TOP2A: variants seen among roughly 807,000 people sequenced by gnomAD.
TOP2A encodes DNA topoisomerase 2-alpha.
A neutral mutation model predicts 187.2 loss-of-function variants in TOP2A; 68 were observed. The ratio of observed to expected loss-of-function variants is 0.36; its 90% CI spans 0.30 to 0.44. The LOEUF (loss-of-function observed/expected upper bound fraction) is 0.44. Ranked by LOEUF, TOP2A falls within the 20% of genes least tolerant of loss-of-function variation. The probability of loss-of-function intolerance (pLI) is 1.00; values close to 1 mark genes in which losing one functional copy is unlikely to be tolerated. For synonymous variants in TOP2A, 542 were observed against 593.2 expected (o/e 0.91, Z 1.25); for missense variants, 1,196 against 1,808.7 (o/e 0.66, Z 6.14).
chr17:40,406,982 G>A, intron 13 of TOP2A, 40 bp from the exon 14 acceptor site: 4 of 1,473,224 alleles, frequency 2.7e-6, no homozygotes, highest in South Asian at 1.2e-5. Context: ...AGAACTGTTA[G>A]GCTGGGCGTG....
At chr17:40,393,109 C>T (rs529859720) in intron 29 of TOP2A, among the ~76,000 whole-genome samples, 90 of 152,102 alleles carry the variant, frequency 5.9e-4, no homozygotes, top group African/African-American at 2.1e-3. Flanking sequence ...ATCGCTTGAG[C>T]TCAGGAGCTA....
rs2035000772 is a variant in TOP2A, at chr17:40,389,877, A to C, written c.4467+88T>G. 6 of 1,388,736 alleles carry C rather than the reference A, an allele frequency of 4.3e-6. No individual in the cohort carries two copies. The South Asian group carries it at 8.9e-5, about 21-fold the overall frequency. 86.0% of individuals were successfully genotyped at this position (1,388,736 alleles called of 1,614,324 possible). ...ACAGAATATGAGAGTTAATTTTCTT[A>C]AAGATATGCCAAATTTTTAAGAGCA... On this transcript the variant is annotated intron_variant, in intron 34 of 34. Transcript: ENST00000423485.
Position 40,389,431 on chromosome 17 carries a change from C to A in TOP2A, c.*88G>T. On this transcript the variant is annotated 3_prime_UTR_variant, in exon 35 of 35. Transcript: ENST00000423485. Reference sequence around the variant, plus strand: ...AAAAACACCTTCCCCAAACTAAATTCAGAGGGGAGGAAGTTAAGAGCTTCA... The same window carrying A: ...AAAAACACCTTCCCCAAACTAAATTAAGAGGGGAGGAAGTTAAGAGCTTCA... 6.9e-7 allele frequency: 1 copy of A among 1,449,692 alleles called. No homozygotes were observed. 89.8% of individuals were successfully genotyped at this position (1,449,692 alleles called of 1,614,324 possible). A position where few individuals can be genotyped will look rare whatever the true frequency, so the allele number is the denominator to read the frequency against.
rs773782563 is a variant in TOP2A, at chr17:40,395,573, A to G, written c.3721-34T>C. 2.1e-6 allele frequency: 3 copies of G among 1,451,984 alleles called. No homozygotes were observed. The African/African-American group carries it at 4.2e-5, about 21-fold the overall frequency. 89.9% of individuals were successfully genotyped at this position (1,451,984 alleles called of 1,614,324 possible). A position where few individuals can be genotyped will look rare whatever the true frequency, so the allele number is the denominator to read the frequency against. ...TAGCAAAGTTAGGGTTGGATATAGAATAAATTCTGAACTATGGGATTAGAG... is the reference window on the plus strand; with the variant it reads ...TAGCAAAGTTAGGGTTGGATATAGAGTAAATTCTGAACTATGGGATTAGAG... On this transcript the variant is annotated intron_variant, in intron 28 of 34. Transcript: ENST00000423485.
intron 20 of TOP2A, among the ~76,000 whole-genome samples, chr17:40,401,316 G>A (rs17680410): frequency 0.015 from 2,317 of 152,272 alleles, 28 homozygotes; most frequent in Non-Finnish European, 0.023. Context: ...TATTTTGTTA[G>A]GTGGTGGGAT....
Position 40,404,423 on chromosome 17 carries a change from C to A in TOP2A, c.2115G>T (p.Leu705Phe), listed in dbSNP as rs750121298. The A allele has an allele frequency of 6.2e-7, 1 of 1,612,420 alleles. No homozygotes were observed. The highest frequency in any genetic ancestry group is 8.5e-7 in the Non-Finnish European group (1 of 1,178,850). Residue 705 changes from leucine to phenylalanine, a missense_variant, in exon 18 of 35, where the codon TTG becomes TTT. Around this residue, in one of 10 missense-constraint regions of TOP2A, gnomAD observed 209 missense variants for 376.9 expected, o/e 0.55. Transcript: ENST00000423485. ...YNDFINKELI[L>F]FSNSDNERSI... Reference sequence around the variant, plus strand: ...ATCTCTCGTTATCAGAATTTGAGAACAAGATAAGTTCCTTGTTGATGAAGT... The same window carrying A: ...ATCTCTCGTTATCAGAATTTGAGAAAAAGATAAGTTCCTTGTTGATGAAGT...
At chr17:40,400,128 T>C in intron 23 of TOP2A, 61 bp from the exon 24 acceptor site, 12 of 1,584,136 alleles carry the variant, frequency 7.6e-6, no homozygotes, top group Non-Finnish European at 1.0e-5. Context: ...TTTATAAAGG[T>C]AGACTAAGAT....
chr17:40,392,488 C>T (rs1388100501), intron 30 of TOP2A, 97 bp downstream of exon 30: 2 of 1,469,298 alleles, frequency 1.4e-6, no homozygotes, highest in Admixed American at 2.1e-5. Context: ...ATTTACTGCT[C>T]TATTAAGACA....
Position 40,388,822 on chromosome 17 carries a change from T to G in TOP2A, c.*697A>C, listed in dbSNP as rs2034988642. On this transcript the variant is annotated 3_prime_UTR_variant, in exon 35 of 35. Transcript: ENST00000423485. Reference sequence around the variant, plus strand: ...AAATTGGTTTCTCTCTTTGGGAGATTCAGACTCAGAGGCAGCCAGAGGGGA... The same window carrying G: ...AAATTGGTTTCTCTCTTTGGGAGATGCAGACTCAGAGGCAGCCAGAGGGGA... 5.1e-6 allele frequency: 1 copy of G among 197,166 alleles called. No individual in the cohort carries two copies. The highest frequency in any genetic ancestry group is 2.3e-5 in the African/African-American group (1 of 43,302). 12.2% of individuals were successfully genotyped at this position (197,166 alleles called of 1,614,324 possible). A position where few individuals can be genotyped will look rare whatever the true frequency, so the allele number is the denominator to read the frequency against.
At chr17:40,406,551 A>C in intron 15 of TOP2A, 33 bp downstream of exon 15, 1 of 1,606,260 alleles carries the variant, frequency 6.2e-7, no homozygotes. Flanking sequence ...TGTATAATAA[A>C]ATGAGAAGTT....
Position 40,400,350 on chromosome 17 carries a change from G to A in TOP2A, c.2859C>T (p.Leu953=). The A allele has an allele frequency of 1.9e-6, 3 of 1,613,646 alleles. No individual in the cohort carries two copies. The highest frequency in any genetic ancestry group is 2.5e-6 in the Non-Finnish European group (3 of 1,179,822). The change falls in exon 23 of 35, where the codon CTC becomes CTT. Residue 953 remains leucine, a synonymous_variant. Transcript: ENST00000423485. ...MLNGTEKTPP[L]ITDYREYHTD... ...TATGGTATTCCCTATAGTCTGTTAT[G>A]AGAGGAGGTGTCTTCTCGGTGCCAT... is the stretch of plus-strand genomic sequence containing the variant.
intron 28 of TOP2A, 75 bp downstream of exon 28, chr17:40,396,208 T>G: frequency 2.6e-6 from 2 of 758,886 alleles, no homozygotes; most frequent in Non-Finnish European, 4.3e-6. Flanking sequence ...CTTGAACCAC[T>G]GACCTCAAGT....
intron 10 of TOP2A, 73 bp from the exon 11 acceptor site, chr17:40,408,703 T>C (rs2035278601): frequency 8.4e-6 from 12 of 1,432,392 alleles, no homozygotes; most frequent in South Asian, 1.1e-5. Context: ...AGAATACAAA[T>C]GAGCCTTAAT....
At position 40,408,389 on chromosome 17, in the gene TOP2A, T is replaced by C. The variant is rs560758788; in HGVS notation, c.1342+103A>G. The C allele has an allele frequency of 6.5e-6, 8 of 1,229,354 alleles. No homozygotes were observed. The African/African-American group carries it at 1.1e-4, about 16-fold the overall frequency. 76.2% of individuals were successfully genotyped at this position (1,229,354 alleles called of 1,614,324 possible). A position where few individuals can be genotyped will look rare whatever the true frequency, so the allele number is the denominator to read the frequency against. On this transcript the variant is annotated intron_variant, in intron 11 of 34. Transcript: ENST00000423485. ...TTTTAACAAGTTATTCTGTTGAATATAGTTATTCTGTCAAGGGAAAAATAA... is the reference window on the plus strand; with the variant it reads ...TTTTAACAAGTTATTCTGTTGAATACAGTTATTCTGTCAAGGGAAAAATAA...
chr17:40,411,343 A>G lies in TOP2A; in HGVS notation c.1065+11T>C. On this transcript the variant is annotated intron_variant, in intron 9 of 34. Coordinates refer to ENST00000423485, the MANE Select transcript of TOP2A (RefSeq NM_001067.4). This position sits in a 1 kb window ranked among gnomAD's most constrained non-coding sequence, Gnocchi z 4.4. Reference sequence around the variant, plus strand: ...TGACTTTAGAAAAAGAAAACTGCCAAAAGCACATACCTGATGTGCTTTTAC... The same window carrying G: ...TGACTTTAGAAAAAGAAAACTGCCAGAAGCACATACCTGATGTGCTTTTAC... The G allele has an allele frequency of 6.2e-7, 1 of 1,613,298 alleles. No individual in the cohort carries two copies. Among genetic ancestry groups the G allele is most frequent in the Non-Finnish European group, 8.5e-7 (1 of 1,179,602 alleles).
At chr17:40,395,899 C>A (rs1056456028) in intron 28 of TOP2A, among the ~76,000 whole-genome samples, 9 of 151,076 alleles carry the variant, frequency 6.0e-5, no homozygotes, top group South Asian at 2.1e-4. Flanking sequence ...ACAACAACAA[C>A]AAAAAAATTT....
At chr17:40,400,687 G>C in intron 21 of TOP2A, 24 bp from the exon 22 acceptor site, 1 of 1,582,256 alleles carries the variant, frequency 6.3e-7, no homozygotes, top group Non-Finnish European at 8.6e-7. Flanking sequence ...TAAAAAAACA[G>C]TATGTTTTCT....
At chr17:40,412,712 T>G (rs752052829) in intron 7 of TOP2A, 47 bp downstream of exon 7, 1 of 1,495,678 alleles carries the variant, frequency 6.7e-7, no homozygotes, top group Non-Finnish European at 9.2e-7. Context: ...CACTTGACAA[T>G]GATTACAAAA....
At chr17:40,413,820 GAA>G (rs1598619984) in intron 4 of TOP2A, among the ~76,000 whole-genome samples, 195 bp from the exon 5 acceptor site, 2 of 152,108 alleles carry the variant, frequency 1.3e-5, no homozygotes, top group East Asian at 3.9e-4. Flanking sequence ...CCAACATGTT[GAA>G]ACCGTCTCTA....
Sources: allele counts gnomAD v4.1 joint callset (sites outside exome capture counted in the v4.1 genomes callset), GRCh38; gene constraint gnomAD v4.1.1; regional missense constraint gnomAD v4.1.1; non-coding constraint Gnocchi (gnomAD v3.1); transcripts MANE v1.5; gene names NCBI Gene and HGNC (gene_info 2026-07-23, HGNC 2026-07-21).